TMEM64: variants seen among roughly 807,000 people sequenced by gnomAD.
TMEM64 encodes the protein transmembrane protein 64.
In TMEM64, 19 loss-of-function variants were observed where a neutral mutation model predicts 24.5. That is an observed-to-expected ratio of 0.78 (90% CI 0.54 to 1.14). The LOEUF is 1.14. Among genes scored for constraint, TMEM64 ranks in the 50% most tolerant of loss-of-function variants. TMEM64 has a pLI of 0.00. For missense variants in TMEM64, 487 were observed against 493.0 expected, an observed-to-expected ratio of 0.99 and a Z score of 0.12; for synonymous variants, 262 against 224.7, an observed-to-expected ratio of 1.17 and a Z score of -1.49.
chr8:90,639,656 C>CA (rs1178184505), intron 1 of TMEM64, among the ~76,000 whole-genome samples: 1 of 152,014 alleles, frequency 6.6e-6, no homozygotes, highest in Non-Finnish European at 1.5e-5. Flanking sequence ...ACAAGATGTT[C>CA]ATTACTTCAA....
intron 2 of TMEM64, among the ~76,000 whole-genome samples, chr8:90,630,363 C>A (rs1809419424): frequency 6.6e-6 from 1 of 151,776 alleles, no homozygotes; most frequent in Non-Finnish European, 1.5e-5. Flanking sequence ...TATTTTTGAT[C>A]TGTAGTTGGT....
chr8:90,625,427 A>T lies in TMEM64; in HGVS notation c.*244T>A. The stretch of plus-strand genomic sequence containing the variant: ...AGAAATAAAACAATTAAAAAACACT[A>T]AAGTGCAGACCTATAGGCCAATACA... On this transcript the variant is annotated 3_prime_UTR_variant, in exon 3 of 3. Transcript: ENST00000458549. 2.8e-6 allele frequency: 1 copy of T among 357,628 alleles called. No homozygotes were observed. Among genetic ancestry groups the T allele is most frequent in the Non-Finnish European group, 5.0e-6 (1 of 198,348 alleles). The allele number at this position is 357,628 out of a possible 1,614,324, so 22.2% of individuals were successfully genotyped here.
At chr8:90,636,572 T>G (rs1286253784) in intron 1 of TMEM64, among the ~76,000 whole-genome samples, 1 of 152,204 alleles carries the variant, frequency 6.6e-6, no homozygotes, top group Non-Finnish European at 1.5e-5. Context: ...TATGGCATTT[T>G]CTATAAGCAA....
At position 90,624,664 on chromosome 8, in the gene TMEM64, G is replaced by C. The variant is rs1809328294; in HGVS notation, c.*1007C>G. Reference sequence around the variant, plus strand: ...ATTTGGGCATATTTATAGTTTTAAAGCTGAAGACTATGGGAACAATATATA... The same window carrying C: ...ATTTGGGCATATTTATAGTTTTAAACCTGAAGACTATGGGAACAATATATA... On this transcript the variant is annotated 3_prime_UTR_variant, in exon 3 of 3. Transcript: ENST00000458549. 6.6e-6 allele frequency: 1 copy of C among 152,396 alleles called. No individual in the cohort carries two copies. Among genetic ancestry groups the C allele is most frequent in the African/African-American group, 2.4e-5 (1 of 41,410 alleles). The allele number at this position is 152,396 out of a possible 1,614,324, so 9.4% of individuals were successfully genotyped here.
In TMEM64 at chr8:90,645,888, C is replaced by A; in HGVS notation, c.18G>T (p.Gly6=). 8.8e-7 allele frequency: 1 copy of A among 1,139,438 alleles called. No individual in the cohort carries two copies. Among genetic ancestry groups the A allele is most frequent in the Middle Eastern group, 3.7e-4 (1 of 2,736 alleles). The allele number at this position is 1,139,438 out of a possible 1,614,324, so 70.6% of individuals were successfully genotyped here. A position where few individuals can be genotyped will look rare whatever the true frequency, so the allele number is the denominator to read the frequency against. Residue 6 remains glycine (G), a synonymous_variant, in exon 1 of 3, where the codon GGG becomes GGT. Coordinates refer to ENST00000458549, the MANE Select transcript of TMEM64 (RefSeq NM_001008495.4). The surrounding 1 kb of genome is among the most constrained non-coding windows in gnomAD (Gnocchi z 4.2). ...GCCGGGGCAGCGCCTGGAGCAGGAT[C>A]CCGCCCGGGCTCCGCATGCCTCGGC... is the stretch of plus-strand genomic sequence containing the variant. The part of the protein sequence containing the change: MRSPG[G]ILLQALPRLL...
chr8:90,642,322 C>T (rs1042257434), intron 1 of TMEM64, among the ~76,000 whole-genome samples: 4 of 152,082 alleles, frequency 2.6e-5, no homozygotes, highest in Non-Finnish European at 5.9e-5. Context: ...AAGCCTGGGC[C>T]TCACATGACC....
chr8:90,642,387 C>T (rs1352074078), intron 1 of TMEM64, among the ~76,000 whole-genome samples: 2 of 147,786 alleles, frequency 1.4e-5, no homozygotes, highest in African/African-American at 5.0e-5. Flanking sequence ...ATTATGGGCA[C>T]ACAAAAAAAA....
intron 2 of TMEM64, among the ~76,000 whole-genome samples, chr8:90,630,522 G>A (rs1243994363): frequency 1.3e-5 from 2 of 152,108 alleles, no homozygotes; most frequent in African/African-American, 2.4e-5. Flanking sequence ...ATCTAATGGT[G>A]TCTTTGTGAA....
rs544763800 is a variant in TMEM64 at position 90,645,735 on chromosome 8, T to TGCC, written c.168_170dup (p.Ala61dup). On this transcript the variant is annotated inframe_insertion, in exon 1 of 3. Coordinates refer to ENST00000458549, the MANE Select transcript of TMEM64 (RefSeq NM_001008495.4). The surrounding 1 kb of genome is among the most constrained non-coding windows in gnomAD (Gnocchi z 4.2). ...GCAGGGCGCCCGAGGCCGCCGCTGC[T>TGCC]GCCGCCGCCGCGCTCGCCCCGCCCC... is the stretch of plus-strand genomic sequence containing the variant. The TGCC allele has an allele frequency of 1.9e-3, 2,157 of 1,145,066 alleles. 39 individuals are homozygous for TGCC. The African/African-American group carries it at 0.032, about 17-fold the overall frequency. The allele number at this position is 1,145,066 out of a possible 1,614,324, so 70.9% of individuals were successfully genotyped here. A position where few individuals can be genotyped will look rare whatever the true frequency, so the allele number is the denominator to read the frequency against.
chr8:90,638,039 C>T (rs1809549370), intron 1 of TMEM64, among the ~76,000 whole-genome samples: 1 of 152,142 alleles, frequency 6.6e-6, no homozygotes, highest in South Asian at 2.1e-4. Context: ...GAAATCTATC[C>T]ACCGTCTGGG....
At chr8:90,637,481 T>C (rs1259556006) in intron 1 of TMEM64, among the ~76,000 whole-genome samples, 2 of 152,242 alleles carry the variant, frequency 1.3e-5, no homozygotes, top group Non-Finnish European at 2.9e-5. Flanking sequence ...AGCATTAATT[T>C]TGGCAAATTA....
intron 1 of TMEM64, among the ~76,000 whole-genome samples, chr8:90,637,323 G>C (rs1026588855): frequency 2.0e-5 from 3 of 152,060 alleles, no homozygotes; most frequent in Admixed American, 1.3e-4. Flanking sequence ...TAAGATTATA[G>C]CTTTTTACAC....
At chr8:90,642,570 A>G (rs1331076825) in intron 1 of TMEM64, among the ~76,000 whole-genome samples, 1 of 152,214 alleles carries the variant, frequency 6.6e-6, no homozygotes, top group Non-Finnish European at 1.5e-5. Flanking sequence ...AGAAGGCAGA[A>G]AGTCAAGTCA....
chr8:90,633,693 A>T (rs1291793458), intron 1 of TMEM64, among the ~76,000 whole-genome samples: 1 of 152,210 alleles, frequency 6.6e-6, no homozygotes, highest in African/African-American at 2.4e-5. Flanking sequence ...AACTGTAGGT[A>T]TTAAATTTTA....
chr8:90,642,276 A>G (rs946106110), intron 1 of TMEM64, among the ~76,000 whole-genome samples: 3 of 152,244 alleles, frequency 2.0e-5, no homozygotes, highest in African/African-American at 7.2e-5. Flanking sequence ...GGAGAAGGCC[A>G]GATGGCACAG....
At chr8:90,626,585 T>TGTCCTATA (rs1809362807) in intron 2 of TMEM64, among the ~76,000 whole-genome samples, 1 of 152,026 alleles carries the variant, frequency 6.6e-6, no homozygotes, top group South Asian at 2.1e-4. Context: ...AGTTTCTCAT[T>TGTCCTATA]GTCCTATAGG....
Position 90,645,266 on chromosome 8 carries a change from T to C in TMEM64, c.640A>G (p.Lys214Glu). 1 of 1,610,978 alleles carries C rather than the reference T, an allele frequency of 6.2e-7. No individual in the cohort carries two copies. Among genetic ancestry groups the C allele is most frequent in the Non-Finnish European group, 8.5e-7 (1 of 1,178,472 alleles). ...IGTFIAHVVCKRLLTAWVAAR... is the reference protein window; with the variant it reads ...IGTFIAHVVCERLLTAWVAAR... The stretch of plus-strand genomic sequence containing the variant: ...GCCACCCAGGCGGTGAGGAGCCGCT[T>C]GCAGACCACATGGGCGATGAAGGTG... The change falls in exon 1 of 3, where the codon AAG (lysine) becomes GAG (glutamate). Residue 214 changes from lysine (K) to glutamate (E), a missense_variant. Lys to Glu is a moderately conservative substitution (Grantham distance 56). Around this residue, in one of 3 missense-constraint regions of TMEM64, gnomAD observed 419 missense variants for 407.5 expected, o/e 1.03. Transcript: ENST00000458549. The surrounding 1 kb of genome is among the most constrained non-coding windows in gnomAD (Gnocchi z 4.2).
chr8:90,625,322 T>C lies in TMEM64; in HGVS notation c.*349A>G, dbSNP rs1809340148. 5.9e-6 allele frequency: 1 copy of C among 169,178 alleles called. No homozygotes were observed. The highest frequency in any genetic ancestry group is 6.1e-5 in the Admixed American group (1 of 16,366). 10.5% of individuals were successfully genotyped at this position (169,178 alleles called of 1,614,324 possible). A position where few individuals can be genotyped will look rare whatever the true frequency, so the allele number is the denominator to read the frequency against. ...CATCTTTACAAGTAGGAAAGATGCA[T>C]ACAAACTACTCATGGGCTTTATAAA... is the stretch of plus-strand genomic sequence containing the variant. On this transcript the variant is annotated 3_prime_UTR_variant, in exon 3 of 3. Coordinates refer to ENST00000458549, the MANE Select transcript of TMEM64 (RefSeq NM_001008495.4).
chr8:90,641,036 A>T (rs770889888), intron 1 of TMEM64, among the ~76,000 whole-genome samples: 4 of 152,042 alleles, frequency 2.6e-5, no homozygotes, highest in East Asian at 1.9e-4. Flanking sequence ...TGCTTTAAAA[A>T]TTTTTTTTCT....
Sources: gnomAD v4.1 joint callset for allele counts (sites outside exome capture counted in the v4.1 genomes callset) on GRCh38, gnomAD v4.1.1 for gene constraint, gnomAD v4.1.1 regional missense constraint, Gnocchi (gnomAD v3.1) non-coding constraint, MANE v1.5 for transcripts, NCBI Gene and HGNC (gene_info 2026-07-23, HGNC 2026-07-21) for gene names.